Variants in APBA1 observed in about 807,000 individuals in gnomAD.
APBA1 encodes amyloid-beta A4 precursor protein-binding family A member 1.
APBA1 carries 55 observed loss-of-function variants against 86.6 expected under a neutral mutation model. The ratio of observed to expected loss-of-function variants is 0.64; its 90% confidence interval spans 0.51 to 0.80. The LOEUF (loss-of-function observed/expected upper bound fraction) is 0.80, where lower values mean the gene tolerates loss of function less well. Among genes scored for constraint, APBA1 ranks in the 30% least tolerant of loss-of-function variants. The probability of loss-of-function intolerance (pLI) is 0.00; values close to 1 mark genes in which losing one functional copy is unlikely to be tolerated. For missense variants in APBA1, 1,090 were observed against 1,183.0 expected, an observed-to-expected ratio of 0.92 and a Z score of 1.15; for synonymous variants, 511 against 493.9, an observed-to-expected ratio of 1.03 and a Z score of -0.46.
At chr9:69,622,766 G>C (rs1822846259) in intron 1 of APBA1, among the ~76,000 whole-genome samples, 1 of 152,094 alleles carries the variant, frequency 6.6e-6, no homozygotes, top group Non-Finnish European at 1.5e-5. Flanking sequence ...CTTATTCAGA[G>C]CCTGTGAACT....
chr9:69,476,116 A>G lies in APBA1; in HGVS notation c.1228T>C (p.Leu410=). ...DSPSPGSSSP[L]GAESSSTSLH... is the part of the protein sequence containing the mutation. ...GATGTGCTTGATGACTCTGCACCCA[A>G]GGGGGAGGAGCTGCCAGGAGACGGA... Residue 410 remains leucine, a synonymous_variant, in exon 3 of 13, where the codon TTG becomes CTG. Transcript: ENST00000265381. 6.2e-7 allele frequency: 1 copy of G among 1,613,964 alleles called. No individual in the cohort carries two copies. Among genetic ancestry groups the G allele is most frequent in the Non-Finnish European group, 8.5e-7 (1 of 1,179,946 alleles).
chr9:69,618,565 G>A (rs1351580164), intron 1 of APBA1, among the ~76,000 whole-genome samples: 2 of 152,256 alleles, frequency 1.3e-5, no homozygotes, highest in East Asian at 1.9e-4. Context: ...TCAAGATGGC[G>A]GCCAGTCATA....
intron 1 of APBA1, among the ~76,000 whole-genome samples, chr9:69,613,352 A>AT (rs1397693895): frequency 1.3e-5 from 2 of 151,730 alleles, no homozygotes; most frequent in African/African-American, 2.4e-5. Flanking sequence ...TTCCTGCCAC[A>AT]TTTTTTTTCC....
At chr9:69,583,696 C>T (rs1183923875) in intron 1 of APBA1, among the ~76,000 whole-genome samples, 3 of 152,192 alleles carry the variant, frequency 2.0e-5, no homozygotes, top group African/African-American at 7.2e-5. Context: ...TAACCATGCC[C>T]TGCATTTCAT....
intron 1 of APBA1, among the ~76,000 whole-genome samples, chr9:69,630,666 C>T (rs557947313): frequency 5.5e-4 from 84 of 152,298 alleles, no homozygotes; most frequent in Non-Finnish European, 1.0e-3. Flanking sequence ...GCTCTCTGCT[C>T]CTCTGGCACA....
Position 69,636,890 on chromosome 9 carries a change from AGAAGGAAG to A in APBA1, c.-70+35255_-70+35262del, listed in dbSNP as rs1284734460. 1.5e-3 allele frequency among the ~76,000 whole-genome samples: 35 copies of A among 23,538 alleles called. 1 individual carries two copies. Among genetic ancestry groups the A allele is most frequent in the Admixed American group, 4.8e-3 (10 of 2,100 alleles). The allele number at this position is 23,538 out of a possible 152,430, so 15.4% of individuals were successfully genotyped here. On this transcript the variant is annotated intron_variant, in intron 1 of 12. Coordinates refer to ENST00000265381, the MANE Select transcript of APBA1 (RefSeq NM_001163.4). ...GAGAGAGAAAGAAAGAAGGAAGGAA[AGAAGGAAG>A]GAAGGAAGGAAGGAAGGAAGGAAGG...
chr9:69,436,676 CTGA>C (rs1156982969), intron 11 of APBA1, among the ~76,000 whole-genome samples: 1 of 151,564 alleles, frequency 6.6e-6, no homozygotes, highest in Non-Finnish European at 1.5e-5. Context: ...AGATTTTGGG[CTGA>C]GACAGTGGGG....
chr9:69,432,691 G>C lies in APBA1; in HGVS notation c.2302-15C>G. 2 of 1,550,980 alleles carry C rather than the reference G, an allele frequency of 1.3e-6. No homozygotes were observed. The highest frequency in any genetic ancestry group is 1.7e-6 in the Non-Finnish European group (2 of 1,152,648). On this transcript the variant is annotated splice_polypyrimidine_tract_variant and intron_variant, in intron 11 of 12. Coordinates refer to ENST00000265381, the MANE Select transcript of APBA1 (RefSeq NM_001163.4). Reference sequence around the variant, plus strand: ...AGGCTGCAGATCTGCCAGAGTCAAAGGCAGAGTTACCCTCATTGCAGACAG... The same window carrying C: ...AGGCTGCAGATCTGCCAGAGTCAAACGCAGAGTTACCCTCATTGCAGACAG...
At chr9:69,544,805 G>A (rs1199171713) in intron 1 of APBA1, among the ~76,000 whole-genome samples, 1 of 152,180 alleles carries the variant, frequency 6.6e-6, no homozygotes, top group Admixed American at 6.5e-5. Context: ...TATCTAGGTA[G>A]ATGGTTTCAA....
At chr9:69,435,042 A>G (rs544664969) in intron 11 of APBA1, among the ~76,000 whole-genome samples, 2 of 146,246 alleles carry the variant, frequency 1.4e-5, no homozygotes, top group African/African-American at 2.5e-5. Context: ...GAGAACATGC[A>G]GTGTTGGTTT....
intron 2 of APBA1, among the ~76,000 whole-genome samples, chr9:69,486,795 A>C (rs1268174096): frequency 6.6e-6 from 1 of 152,000 alleles, no homozygotes; most frequent in Admixed American, 6.6e-5. Context: ...GGAGGATAGC[A>C]CAGGGTGTTA....
intron 1 of APBA1, among the ~76,000 whole-genome samples, chr9:69,630,678 G>A (rs1299601765): frequency 6.6e-6 from 1 of 152,070 alleles, no homozygotes; most frequent in Non-Finnish European, 1.5e-5. Flanking sequence ...TCTGGCACAC[G>A]GCTCTCTTTC....
chr9:69,552,503 G>A (rs1466915002), intron 1 of APBA1, among the ~76,000 whole-genome samples: 2 of 152,112 alleles, frequency 1.3e-5, no homozygotes, highest in Non-Finnish European at 2.9e-5. Flanking sequence ...AACCCAAGCT[G>A]GGAAGATGAA....
At chr9:69,663,154 C>A (rs959394814) in intron 1 of APBA1, among the ~76,000 whole-genome samples, 6 of 152,150 alleles carry the variant, frequency 3.9e-5, no homozygotes, top group Non-Finnish European at 4.4e-5. Flanking sequence ...AGTGGGTTGG[C>A]AAACATACAG....
intron 2 of APBA1, among the ~76,000 whole-genome samples, chr9:69,513,347 G>T (rs1390577900): frequency 1.3e-5 from 2 of 152,236 alleles, no homozygotes; most frequent in Non-Finnish European, 2.9e-5. Flanking sequence ...GGGGCAATTG[G>T]TTAAGCAGGT....
chr9:69,497,350 CT>C (rs761461790), intron 2 of APBA1, among the ~76,000 whole-genome samples: 5 of 152,042 alleles, frequency 3.3e-5, no homozygotes, highest in Non-Finnish European at 7.4e-5. Flanking sequence ...TGCGGCTCCC[CT>C]ACACCACCAA....
chr9:69,454,398 G>A (rs1195425735), intron 8 of APBA1, among the ~76,000 whole-genome samples: 1 of 152,176 alleles, frequency 6.6e-6, no homozygotes, highest in African/African-American at 2.4e-5. Flanking sequence ...TGAATACACT[G>A]GCTACTGAGA....
rs184911303 is a variant in APBA1, at chr9:69,515,269, C to G, written c.1200+742G>C. Among the ~76,000 whole-genome samples the G allele has an allele frequency of 3.5e-4, 53 of 152,294 alleles. No individual in the cohort carries two copies. In the East Asian group the frequency reaches 6.6e-3, roughly 19 times the overall value. On this transcript the variant is annotated intron_variant, in intron 2 of 12. Transcript: ENST00000265381. ...CTTTCTTCACAAACGATCAGCTGAA[C>G]TGCTTGCTAACCAAACTTTGGTTAA...
At chr9:69,504,858 A>G (rs926387712) in intron 2 of APBA1, among the ~76,000 whole-genome samples, 4 of 151,822 alleles carry the variant, frequency 2.6e-5, no homozygotes, top group Non-Finnish European at 4.4e-5. Flanking sequence ...TGCGGGGAGG[A>G]GGAGTCGCCT....
Sources: gnomAD v4.1 joint callset for allele counts (sites outside exome capture counted in the v4.1 genomes callset) on GRCh38, gnomAD v4.1.1 for gene constraint, MANE v1.5 for transcripts, NCBI Gene and HGNC (gene_info 2026-07-23, HGNC 2026-07-21) for gene names.